The following OR10J1 variants were observed in gnomAD, a reference collection of about 807,000 sequenced individuals.
The protein encoded by OR10J1 is olfactory receptor 10J1.
For missense variants in OR10J1, 474 were observed against 376.6 expected (o/e 1.26, Z -2.14); for synonymous variants, 202 against 143.8 (o/e 1.40, Z -2.89).
At chr1:159,436,000 G>A (rs144020230), upstream of OR10J1, among the ~76,000 whole-genome samples, 1 of 152,118 alleles carries the variant, frequency 6.6e-6, no homozygotes, top group Non-Finnish European at 1.5e-5. Context: ...AGGGTTATTT[G>A]GAGGCCTATG....
At chr1:159,428,290 A>G in the OR10J1 span, among the ~76,000 whole-genome samples, 1 of 152,172 alleles carries the variant, frequency 6.6e-6, no homozygotes, top group Non-Finnish European at 1.5e-5. Context: ...TTTGTCAGAA[A>G]AAAACCTACA....
Position 159,440,755 on chromosome 1 carries a change from A to G in OR10J1, c.*34A>G. The G allele has an allele frequency of 6.3e-7, 1 of 1,586,014 alleles. No individual in the cohort carries two copies. The highest frequency in any genetic ancestry group is 8.6e-7 in the Non-Finnish European group (1 of 1,163,444). ...GAAGAGTTCTCCTGAGGCTGTCAAC[A>G]TCCACACTAGGCAGGAATATGAGGT... On this transcript the variant is annotated 3_prime_UTR_variant, in exon 1 of 1. Coordinates refer to ENST00000423932, the MANE Select transcript of OR10J1 (RefSeq NM_012351.3).
chr1:159,410,101 G>A, the OR10J1 span, among the ~76,000 whole-genome samples: 6 of 151,916 alleles, frequency 3.9e-5, no homozygotes, highest in South Asian at 6.3e-4. Flanking sequence ...TCATTTTGCC[G>A]GTATTTTATT....
rs760810730 is a variant in OR10J1, at chr1:159,440,333, G to T, written c.542G>T (p.Arg181Leu). The change falls in exon 1 of 1, where the codon CGC (arginine) becomes CTC (leucine). Residue 181 changes from arginine (R) to leucine (L), a missense_variant. Transcript: ENST00000423932. ...GTGCCCCACTTCTTCTGTGACATCC[G>T]CCCTGTGATGAAGCTCTCCTGCATT... ...RKVPHFFCDI[R>L]PVMKLSCIDT... is the part of the protein sequence containing the mutation. The T allele has an allele frequency of 1.2e-6, 2 of 1,614,106 alleles. No individual in the cohort carries two copies.
At chr1:159,415,089 A>C in the OR10J1 span, among the ~76,000 whole-genome samples, 1 of 151,908 alleles carries the variant, frequency 6.6e-6, no homozygotes, top group African/African-American at 2.4e-5. Flanking sequence ...AGTTCAATTT[A>C]TCTGTTTGTT....
the OR10J1 span, among the ~76,000 whole-genome samples, chr1:159,431,420 A>T: frequency 6.6e-6 from 1 of 152,208 alleles, no homozygotes; most frequent in Non-Finnish European, 1.5e-5. Flanking sequence ...ACTTCCCAGG[A>T]GTGCGCCTCA....
the OR10J1 span, among the ~76,000 whole-genome samples, chr1:159,422,831 G>T: frequency 6.6e-6 from 1 of 151,988 alleles, no homozygotes; most frequent in African/African-American, 2.4e-5. Context: ...AGGACCACTG[G>T]GGGGCTTTTC....
the OR10J1 span, among the ~76,000 whole-genome samples, chr1:159,425,572 T>G: frequency 6.6e-6 from 1 of 151,548 alleles, no homozygotes; most frequent in Non-Finnish European, 1.5e-5. Flanking sequence ...AATAACAGAG[T>G]TCAATTACAA....
chr1:159,437,521 T>C (rs967170313), upstream of OR10J1, among the ~76,000 whole-genome samples: 2 of 152,180 alleles, frequency 1.3e-5, no homozygotes, highest in African/African-American at 4.8e-5. Flanking sequence ...CATGCACATA[T>C]ACACACTCAC....
At chr1:159,433,566 A>G (rs939253616), upstream of OR10J1, among the ~76,000 whole-genome samples, 1 of 152,166 alleles carries the variant, frequency 6.6e-6, no homozygotes, top group Non-Finnish European at 1.5e-5. Context: ...TTGTCTGAAG[A>G]TGGGACCAAC....
chr1:159,435,545 G>T (rs568068705), upstream of OR10J1, among the ~76,000 whole-genome samples: 1 of 152,170 alleles, frequency 6.6e-6, no homozygotes, highest in South Asian at 2.1e-4. Context: ...ATATTTGAAT[G>T]TAAAAAGGGG....
the OR10J1 span, among the ~76,000 whole-genome samples, chr1:159,419,586 A>G: frequency 6.6e-6 from 1 of 152,184 alleles, no homozygotes; most frequent in Admixed American, 6.5e-5. Flanking sequence ...TAGCAGAGTG[A>G]GAACATACTA....
chr1:159,418,736 A>T, the OR10J1 span, among the ~76,000 whole-genome samples: 1 of 152,184 alleles, frequency 6.6e-6, no homozygotes, highest in East Asian at 1.9e-4. Context: ...AGAATGGTAG[A>T]TCTACCAACA....
At chr1:159,415,923 T>C in the OR10J1 span, among the ~76,000 whole-genome samples, 1 of 120,408 alleles carries the variant, frequency 8.3e-6, no homozygotes, top group Admixed American at 9.1e-5. Context: ...TTATTCCTAG[T>C]TTTTTTTCAG....
the OR10J1 span, among the ~76,000 whole-genome samples, chr1:159,426,635 A>G: frequency 6.6e-6 from 1 of 151,856 alleles, no homozygotes; most frequent in Non-Finnish European, 1.5e-5. Flanking sequence ...GTTTAGTAGG[A>G]CTTAAAAGAG....
the OR10J1 span, among the ~76,000 whole-genome samples, chr1:159,429,973 C>A: frequency 6.6e-6 from 1 of 152,058 alleles, no homozygotes; most frequent in African/African-American, 2.4e-5. Context: ...CCTGAATAAG[C>A]CTCCATCCTG....
At chr1:159,401,732 C>G in the OR10J1 span, among the ~76,000 whole-genome samples, 1 of 151,932 alleles carries the variant, frequency 6.6e-6, no homozygotes, top group African/African-American at 2.4e-5. Flanking sequence ...AGGAATACGT[C>G]AAACTCATTC....
chr1:159,432,664 T>G, the OR10J1 span: 109 of 425,156 alleles, frequency 2.6e-4, no homozygotes, highest in African/African-American at 2.1e-3. Context: ...AACATTGGCC[T>G]GAGCACAGCT....
the OR10J1 span, among the ~76,000 whole-genome samples, chr1:159,424,908 A>G: frequency 6.6e-6 from 1 of 152,126 alleles, no homozygotes; most frequent in African/African-American, 2.4e-5. Context: ...CACACATTGA[A>G]GAGTACCATC....
Sources: gnomAD v4.1 joint callset for allele counts (sites outside exome capture counted in the v4.1 genomes callset) on GRCh38, gnomAD v4.1.1 for gene constraint, MANE v1.5 for transcripts, NCBI Gene and HGNC (gene_info 2026-07-23, HGNC 2026-07-21) for gene names.